DCC: variants seen among roughly 807,000 people sequenced by gnomAD.
DCC encodes DCC netrin 1 receptor.
A neutral mutation model predicts 172.5 loss-of-function variants in DCC; 58 were observed. The observed-to-expected ratio is 0.34, with a 90% CI of 0.27 to 0.42. DCC has a LOEUF of 0.42. DCC is among the 10% of genes least tolerant of loss of function. The pLI is 1.00. For synonymous variants in DCC, 709 were observed against 644.5 expected (o/e 1.10, Z -1.52); for missense variants, 1,740 against 1,791.0 (o/e 0.97, Z 0.51).
At chr18:52,468,602 G>A (rs1296878174) in intron 1 of DCC, among the ~76,000 whole-genome samples, 1 of 152,176 alleles carries the variant, frequency 6.6e-6, no homozygotes, top group Non-Finnish European at 1.5e-5. Context: ...GTTTAGCAAT[G>A]TAAACATTTG....
At chr18:53,092,280 G>T (rs1464200686) in intron 7 of DCC, among the ~76,000 whole-genome samples, 1 of 152,110 alleles carries the variant, frequency 6.6e-6, no homozygotes, top group Non-Finnish European at 1.5e-5. Context: ...AGCAACTCAG[G>T]TGACTCTTAA....
intron 2 of DCC, among the ~76,000 whole-genome samples, chr18:52,776,400 A>G (rs1183612764): frequency 2.0e-5 from 3 of 152,162 alleles, no homozygotes; most frequent in African/African-American, 7.2e-5. Flanking sequence ...ATTTTAAAAG[A>G]AAAAGAAGGG....
At chr18:52,691,870 G>GA (rs2035934907) in intron 1 of DCC, among the ~76,000 whole-genome samples, 1 of 152,108 alleles carries the variant, frequency 6.6e-6, no homozygotes. Context: ...AATTTGACCT[G>GA]AAAACCTCTT....
At chr18:53,451,731 C>CTCTCTG (rs2045416647) in intron 23 of DCC, among the ~76,000 whole-genome samples, 1 of 151,910 alleles carries the variant, frequency 6.6e-6, no homozygotes, top group Non-Finnish European at 1.5e-5. Flanking sequence ...CTCTCTCTCT[C>CTCTCTG]TCCATCTCTC....
At chr18:53,351,184 T>C (rs1458483278) in intron 15 of DCC, among the ~76,000 whole-genome samples, 8 of 148,520 alleles carry the variant, frequency 5.4e-5, no homozygotes, top group African/African-American at 2.0e-4. Flanking sequence ...AATTGTCTTA[T>C]ACCTGGTGAA....
intron 1 of DCC, among the ~76,000 whole-genome samples, chr18:52,395,015 G>A (rs977573172): frequency 6.6e-6 from 1 of 151,942 alleles, no homozygotes; most frequent in Non-Finnish European, 1.5e-5. Context: ...TAAAATAAAC[G>A]GGGAAATGGG....
At chr18:53,112,963 A>G (rs1022689553) in intron 7 of DCC, among the ~76,000 whole-genome samples, 8 of 151,660 alleles carry the variant, frequency 5.3e-5, no homozygotes, top group African/African-American at 1.9e-4. Context: ...AATTCCCTAA[A>G]AACATCATCC....
At chr18:53,458,666 C>T (rs1255266745) in intron 23 of DCC, among the ~76,000 whole-genome samples, 9 of 152,232 alleles carry the variant, frequency 5.9e-5, no homozygotes, top group Non-Finnish European at 8.8e-5. Context: ...AATCTGGACA[C>T]TCAGTGATGC....
intron 5 of DCC, among the ~76,000 whole-genome samples, chr18:53,061,564 A>G (rs749085362): frequency 5.3e-5 from 8 of 152,110 alleles, no homozygotes; most frequent in Non-Finnish European, 1.2e-4. Flanking sequence ...TAGAAAGGTG[A>G]TTTTATTTAA....
chr18:53,068,014 A>G (rs1439981304), intron 7 of DCC, among the ~76,000 whole-genome samples: 2 of 152,192 alleles, frequency 1.3e-5, no homozygotes, highest in African/African-American at 4.8e-5. Flanking sequence ...TAACTATAGA[A>G]CAACAATACC....
At chr18:52,411,838 T>G (rs1246521094) in intron 1 of DCC, among the ~76,000 whole-genome samples, 1 of 152,158 alleles carries the variant, frequency 6.6e-6, no homozygotes, top group Non-Finnish European at 1.5e-5. Context: ...GCTTAAAATA[T>G]TGGGCTTACC....
intron 7 of DCC, among the ~76,000 whole-genome samples, chr18:53,107,992 T>C (rs1432166956): frequency 1.3e-5 from 2 of 151,798 alleles, no homozygotes; most frequent in African/African-American, 2.4e-5. Flanking sequence ...AGATAATCAC[T>C]GGAAGAGCAA....
intron 1 of DCC, among the ~76,000 whole-genome samples, chr18:52,740,741 A>G (rs184681682): frequency 2.0e-5 from 3 of 152,318 alleles, no homozygotes; most frequent in African/African-American, 7.2e-5. Context: ...TAGACTCTCT[A>G]TTTTATGGAT....
At chr18:53,190,546 C>CA (rs2055351605) in intron 9 of DCC, among the ~76,000 whole-genome samples, 1 of 151,134 alleles carries the variant, frequency 6.6e-6, no homozygotes. Context: ...GAAAAATGAT[C>CA]AAACATTAAT....
Position 52,841,871 on chromosome 18 carries a change from G to A in DCC, c.413-64173G>A, listed in dbSNP as rs139044837. Among the ~76,000 whole-genome samples, 1,473 of 152,084 alleles carry A rather than the reference G, an allele frequency of 9.7e-3. 28 individuals carry two copies. Among genetic ancestry groups the A allele is most frequent in the African/African-American group, 0.033 (1,367 of 41,456 alleles). The stretch of plus-strand genomic sequence containing the variant: ...GCAATGTTTCTGGAAGTGTGGTCCT[G>A]GAAAGAGTATCATCAATATCACTTA... On this transcript the variant is annotated intron_variant, in intron 2 of 28. Coordinates refer to ENST00000442544, the MANE Select transcript of DCC (RefSeq NM_005215.4).
chr18:53,336,800 A>C (rs184384230), intron 14 of DCC, among the ~76,000 whole-genome samples: 38 of 152,328 alleles, frequency 2.5e-4, no homozygotes, highest in Admixed American at 2.4e-3. Flanking sequence ...GGCTTGAGTC[A>C]GAGGGTTAGA....
At chr18:52,486,570 G>A (rs2030236606) in intron 1 of DCC, among the ~76,000 whole-genome samples, 1 of 152,118 alleles carries the variant, frequency 6.6e-6, no homozygotes, top group African/African-American at 2.4e-5. Context: ...AACAAAGATG[G>A]ATAATCTAGT....
intron 22 of DCC, among the ~76,000 whole-genome samples, chr18:53,442,285 T>C (rs559047067): frequency 8.5e-5 from 13 of 152,244 alleles, no homozygotes; most frequent in Non-Finnish European, 1.8e-4. Flanking sequence ...TTCTAACAGC[T>C]TGTGCTCACT....
At chr18:53,448,097 T>C (rs923980926) in intron 22 of DCC, among the ~76,000 whole-genome samples, 1 of 150,728 alleles carries the variant, frequency 6.6e-6, no homozygotes, top group African/African-American at 2.5e-5. Flanking sequence ...TTAGGCAACT[T>C]GTCAAAAGAC....
Sources: gnomAD v4.1 joint callset for allele counts (sites outside exome capture counted in the v4.1 genomes callset) on GRCh38, gnomAD v4.1.1 for gene constraint, MANE v1.5 for transcripts, NCBI Gene and HGNC (gene_info 2026-07-23, HGNC 2026-07-21) for gene names.